CUL3: variants seen among roughly 807,000 people sequenced by gnomAD.
CUL3 encodes cullin-3.
A neutral mutation model predicts 89.1 loss-of-function variants in CUL3; 19 were observed. The ratio of observed to expected loss-of-function variants is 0.21; its 90% CI spans 0.15 to 0.31. CUL3 has a LOEUF of 0.31. Ranked by LOEUF, CUL3 falls within the 10% of genes least tolerant of loss-of-function variation. CUL3 has a pLI of 1.00. For synonymous variants in CUL3, 351 were observed against 308.4 expected, an observed-to-expected ratio of 1.14 and a Z score of -1.45; for missense variants, 469 against 942.3, an observed-to-expected ratio of 0.50 and a Z score of 6.58.
chr2:224,474,445 A>AC, intron 15 of CUL3, 69 bp from the exon 16 acceptor site: 1 of 1,338,356 alleles, frequency 7.5e-7, no homozygotes, highest in Non-Finnish European at 1.0e-6. Context: ...CAGAACTGAT[A>AC]TGTCATTTTA....
chr2:224,535,845 T>C (rs1693878880), intron 2 of CUL3, among the ~76,000 whole-genome samples: 1 of 152,230 alleles, frequency 6.6e-6, no homozygotes, highest in Non-Finnish European at 1.5e-5. Flanking sequence ...ACTCCTCTTC[T>C]GATCTCCAGA....
intron 3 of CUL3, among the ~76,000 whole-genome samples, chr2:224,534,278 AT>A (rs1559186298): frequency 6.6e-6 from 1 of 152,122 alleles, no homozygotes. Context: ...GCTGAACAGG[AT>A]TTTTTTCTTG....
intron 13 of CUL3, among the ~76,000 whole-genome samples, chr2:224,484,255 T>C (rs1331547985): frequency 2.0e-5 from 3 of 152,150 alleles, no homozygotes; most frequent in African/African-American, 7.2e-5. Context: ...AAATAGTATA[T>C]GAATATCCAC....
intron 3 of CUL3, among the ~76,000 whole-genome samples, chr2:224,523,393 A>AT (rs1193716519): frequency 6.6e-6 from 1 of 151,712 alleles, no homozygotes; most frequent in African/African-American, 2.4e-5. Flanking sequence ...ACTATAAAAA[A>AT]AAAAAACACA....
intron 3 of CUL3, among the ~76,000 whole-genome samples, chr2:224,528,586 G>C (rs751784279): frequency 2.0e-5 from 3 of 152,138 alleles, no homozygotes; most frequent in Non-Finnish European, 4.4e-5. Context: ...CAACTCACAT[G>C]CTTCTGTCAC....
intron 6 of CUL3, 138 bp from the exon 7 acceptor site, chr2:224,507,141 C>T (rs1305914315): frequency 3.4e-6 from 2 of 590,042 alleles, no homozygotes; most frequent in Non-Finnish European, 5.4e-6. Context: ...TAAAAATATA[C>T]ATATATTGAT....
chr2:224,510,942 A>G (rs1045561314), intron 6 of CUL3, among the ~76,000 whole-genome samples: 5 of 152,182 alleles, frequency 3.3e-5, no homozygotes, highest in Admixed American at 2.0e-4. Context: ...ATCCCAAAGG[A>G]AAGTCTACAA....
intron 13 of CUL3, among the ~76,000 whole-genome samples, chr2:224,487,517 C>T (rs943474452): frequency 1.5e-5 from 2 of 130,704 alleles, no homozygotes; most frequent in African/African-American, 5.8e-5. Context: ...AAGGGCATTA[C>T]ATAATGGTAA....
Position 224,471,426 on chromosome 2 carries a change from C to T in CUL3, c.*2819G>A, listed in dbSNP as rs1314538212. 5.0e-6 allele frequency: 1 copy of T among 198,150 alleles called. No individual in the cohort carries two copies. Among genetic ancestry groups the T allele is most frequent in the East Asian group, 7.9e-5 (1 of 12,648 alleles). 12.3% of individuals were successfully genotyped at this position (198,150 alleles called of 1,614,324 possible). On this transcript the variant is annotated 3_prime_UTR_variant, in exon 16 of 16. Coordinates refer to ENST00000264414, the MANE Select transcript of CUL3 (RefSeq NM_003590.5). ...CCTAAGATGATGCCAGTGTACTAGT[C>T]TTCTAGAGATGTAGGCATAATCTTA...
intron 2 of CUL3, among the ~76,000 whole-genome samples, chr2:224,538,108 T>G (rs532593823): frequency 6.6e-6 from 1 of 152,096 alleles, no homozygotes; most frequent in Non-Finnish European, 1.5e-5. Flanking sequence ...TAGCAGAAAA[T>G]AGCTACAATT....
chr2:224,578,739 A>C (rs1336753677), intron 1 of CUL3, among the ~76,000 whole-genome samples: 1 of 152,176 alleles, frequency 6.6e-6, no homozygotes, highest in Non-Finnish European at 1.5e-5. Flanking sequence ...TGCATTATTT[A>C]AAACTACAAA....
intron 1 of CUL3, among the ~76,000 whole-genome samples, chr2:224,560,878 A>G (rs980672655): frequency 6.6e-6 from 1 of 152,058 alleles, no homozygotes; most frequent in Non-Finnish European, 1.5e-5. Context: ...TAATCTCTCA[A>G]CTTCATCCAT....
At position 224,530,044 on chromosome 2, in the gene CUL3, A is replaced by C. The variant is rs574611501; in HGVS notation, c.378+5484T>G. On this transcript the variant is annotated intron_variant, in intron 3 of 15. Transcript: ENST00000264414. ...ACGAGGTCAGGAGATCGAGACCATG[A>C]TGGCTAACACAGTGAAACCCCGTCT... Among the ~76,000 whole-genome samples the C allele has an allele frequency of 6.6e-5, 10 of 152,042 alleles. No individual in the cohort carries two copies. The East Asian group carries it at 1.7e-3, about 27-fold the overall frequency.
intron 1 of CUL3, among the ~76,000 whole-genome samples, chr2:224,583,866 T>C (rs1021894395): frequency 1.3e-5 from 2 of 152,190 alleles, no homozygotes; most frequent in Non-Finnish European, 2.9e-5. Context: ...CAAATCCCCC[T>C]CTTTCGCTGG....
intron 3 of CUL3, among the ~76,000 whole-genome samples, chr2:224,519,859 T>C (rs1693199560): frequency 6.6e-6 from 1 of 152,058 alleles, no homozygotes; most frequent in South Asian, 2.1e-4. Context: ...TAAGATTTTT[T>C]AAAAGTCCCA....
intron 2 of CUL3, among the ~76,000 whole-genome samples, chr2:224,549,938 T>C (rs1160118838): frequency 6.6e-6 from 1 of 152,130 alleles, no homozygotes; most frequent in Non-Finnish European, 1.5e-5. Flanking sequence ...ACCTGTCAAA[T>C]ATTATTATCT....
intron 9 of CUL3, 109 bp from the exon 10 acceptor site, chr2:224,503,181 T>C (rs763824090): frequency 9.0e-6 from 7 of 780,964 alleles, no homozygotes; most frequent in Admixed American, 4.6e-5. Flanking sequence ...ATAATCTTCC[T>C]GTAAATTTTT....
chr2:224,520,324 A>T (rs954031888), intron 3 of CUL3, among the ~76,000 whole-genome samples: 3 of 152,232 alleles, frequency 2.0e-5, no homozygotes, highest in Admixed American at 6.5e-5. Context: ...CTGTGGTGAG[A>T]GACAGGAGCC....
chr2:224,550,508 G>C (rs1204464113), intron 2 of CUL3, among the ~76,000 whole-genome samples: 1 of 152,070 alleles, frequency 6.6e-6, no homozygotes, highest in East Asian at 1.9e-4. Flanking sequence ...CAAACTTCTC[G>C]GATAATTTGA....
Sources: gnomAD v4.1 joint callset for allele counts (sites outside exome capture counted in the v4.1 genomes callset) on GRCh38, gnomAD v4.1.1 for gene constraint, MANE v1.5 for transcripts, NCBI Gene and HGNC (gene_info 2026-07-23, HGNC 2026-07-21) for gene names.